The following AP5Z1 variants were observed in gnomAD, a reference collection of about 807,000 sequenced individuals.
AP5Z1 encodes the protein AP-5 complex subunit zeta-1.
In AP5Z1, 106 loss-of-function variants were observed where a neutral mutation model predicts 83.0. That is an observed-to-expected ratio of 1.28 (90% CI 1.09 to 1.50). The LOEUF (loss-of-function observed/expected upper bound fraction) is 1.50. AP5Z1 is among the 40% of genes most tolerant of loss of function. The pLI, the probability that AP5Z1 is intolerant of heterozygous loss-of-function variation, is 0.00. For missense variants in AP5Z1, 1,565 were observed against 1,094.2 expected (o/e 1.43, Z -6.07); for synonymous variants, 751 against 514.1 (o/e 1.46, Z -6.23).
chr7:4,781,581 T>A lies in AP5Z1; in HGVS notation c.193T>A (p.Cys65Ser). 1 of 1,608,048 alleles carries A rather than the reference T, an allele frequency of 6.2e-7. No individual in the cohort carries two copies. The highest frequency in any genetic ancestry group is 8.5e-7 in the Non-Finnish European group (1 of 1,176,106). The part of the protein sequence containing the change: ...TKYSRRLEKT[C>S]VDLLQATLGL... ...CTCGCCTTCCAGGCTGGAGAAGACA[T>A]GCGTAGACCTGCTGCAGGCCACCCT... The change falls in exon 3 of 17, where the codon TGC becomes AGC. Residue 65 changes from cysteine to serine, a missense_variant. Transcript: ENST00000649063.
chr7:4,779,242 AT>A lies in AP5Z1; in HGVS notation c.42-1932del, dbSNP rs529467161. On this transcript the variant is annotated intron_variant, in intron 1 of 16. Coordinates refer to ENST00000649063, the MANE Select transcript of AP5Z1 (RefSeq NM_014855.3). ...ATAACATATATTAGATATAACATAT[AT>A]AACATTAGAAATAATGTATATAACA... Among the ~76,000 whole-genome samples, 293 of 147,382 alleles carry A rather than the reference AT, an allele frequency of 2.0e-3. 1 individual carries two copies. The highest frequency in any genetic ancestry group is 6.9e-3 in the African/African-American group (280 of 40,584).
At chr7:4,787,596 C>G in intron 10 of AP5Z1, 38 bp from the exon 11 acceptor site, 1 of 1,537,206 alleles carries the variant, frequency 6.5e-7, no homozygotes. Flanking sequence ...TGCTCCACAG[C>G]TCCGAGCCGT....
At chr7:4,790,398 C>T in intron 14 of AP5Z1, 61 bp from the exon 15 acceptor site, 6 of 1,610,646 alleles carry the variant, frequency 3.7e-6, no homozygotes, top group Non-Finnish European at 5.1e-6. Context: ...GGCCCTTGGC[C>T]TGGATGGGGA....
intron 3 of AP5Z1, 129 bp downstream of exon 3, chr7:4,781,883 C>T (rs1009143920): frequency 7.9e-6 from 9 of 1,133,344 alleles, no homozygotes; most frequent in Non-Finnish European, 1.1e-5. Flanking sequence ...TGCTGAGTGC[C>T]TGGCACACTT....
chr7:4,788,035 C>A (rs999690731), intron 11 of AP5Z1, 119 bp from the exon 12 acceptor site: 3 of 1,406,518 alleles, frequency 2.1e-6, no homozygotes, highest in African/African-American at 1.4e-5. Flanking sequence ...CATGCCAAGC[C>A]CTTCCTGGCA....
At position 4,790,572 on chromosome 7, in the gene AP5Z1, C is replaced by T. The variant is rs562874262; in HGVS notation, c.1919C>T (p.Ala640Val). Residue 640 changes from alanine (A) to valine (V), a missense_variant, in exon 15 of 17, where the codon GCG becomes GTG. Transcript: ENST00000649063. ...LGSVNGLCSR[A>V]SLVTSVVWAI... ...AGCGTGAATGGTCTCTGCAGCAGGG[C>T]GAGCCTCGTCACCAGCGTGGTAAGG... The T allele has an allele frequency of 6.6e-5, 106 of 1,612,858 alleles. 2 individuals carry two copies. The Admixed American group carries it at 1.2e-3, about 19-fold the overall frequency.
intron 5 of AP5Z1, 115 bp from the exon 6 acceptor site, chr7:4,784,088 G>C: frequency 4.6e-6 from 6 of 1,310,874 alleles, no homozygotes; most frequent in Non-Finnish European, 6.2e-6. Context: ...GCGGGCCGCT[G>C]CCCGGGCTCA....
At chr7:4,785,136 G>A in intron 7 of AP5Z1, 88 bp downstream of exon 7, 2 of 1,509,666 alleles carry the variant, frequency 1.3e-6, no homozygotes, top group Non-Finnish European at 8.9e-7. Flanking sequence ...GCTTCCCTGA[G>A]CTACTGCTCC....
intron 13 of AP5Z1, 46 bp downstream of exon 13, chr7:4,788,997 TGA>T (rs1562412580): frequency 6.5e-7 from 1 of 1,540,900 alleles, no homozygotes; most frequent in Admixed American, 1.8e-5. Flanking sequence ...GCCTCACAAC[TGA>T]GGGGCAGGCC....
chr7:4,786,889 G>T (rs1221239549), intron 10 of AP5Z1, among the ~76,000 whole-genome samples: 1 of 152,126 alleles, frequency 6.6e-6, no homozygotes, highest in Non-Finnish European at 1.5e-5. Context: ...TCCTGCGTCA[G>T]CCACCTGAGT....
rs2115109104 is a variant in AP5Z1 at position 4,784,212 on chromosome 7, GT to G, written c.632del (p.Val211AlafsTer8). On this transcript the variant is annotated frameshift_variant, in exon 6 of 17. Transcript: ENST00000649063. LOFTEE classifies it high-confidence loss of function. ...STPRARQPGP[V>X]TEVDGAVATD... ...CCTGTCCTTCCCACAGCCGGGCCCC[GT>G]CACCGAGGTGGACGGGGCGGTAGCC... 7.8e-7 allele frequency: 1 copy of G among 1,284,508 alleles called. No homozygotes were observed. The highest frequency in any genetic ancestry group is 1.1e-6 in the Non-Finnish European group (1 of 951,054). The allele number at this position is 1,284,508 out of a possible 1,614,324, so 79.6% of individuals were successfully genotyped here.
At chr7:4,786,462 G>A (rs1488307796) in intron 10 of AP5Z1, 34 bp downstream of exon 10, 7 of 1,607,056 alleles carry the variant, frequency 4.4e-6, no homozygotes, top group South Asian at 3.3e-5. Flanking sequence ...CCAGGGCAGG[G>A]GCATGGTAAG....
At chr7:4,779,332 T>A (rs1026024276) in intron 1 of AP5Z1, among the ~76,000 whole-genome samples, 1 of 147,448 alleles carries the variant, frequency 6.8e-6, no homozygotes, top group African/African-American at 2.5e-5. Flanking sequence ...ACGTTATATA[T>A]GATATATAAC....
At chr7:4,778,964 C>A (rs1438982151) in intron 1 of AP5Z1, among the ~76,000 whole-genome samples, 1 of 146,410 alleles carries the variant, frequency 6.8e-6, no homozygotes, top group East Asian at 2.0e-4. Flanking sequence ...GCTAGAAGAT[C>A]AGGCTGCAGT....
chr7:4,785,152 G>C (rs1781500473), intron 7 of AP5Z1, 104 bp downstream of exon 7: 1 of 1,487,696 alleles, frequency 6.7e-7, no homozygotes. Flanking sequence ...GCTCCACAGA[G>C]GGGGTCCCTG....
At position 4,786,358 on chromosome 7, in the gene AP5Z1, GCAGGGA is replaced by G; in HGVS notation, c.1244_1249del (p.Arg415_Asp416del). 6.2e-7 allele frequency: 1 copy of G among 1,613,932 alleles called. No homozygotes were observed. The highest frequency in any genetic ancestry group is 8.5e-7 in the Non-Finnish European group (1 of 1,179,856). On this transcript the variant is annotated inframe_deletion, in exon 10 of 17. Transcript: ENST00000649063. ...CTGGCCTTTGAATTCATCCAGTTCTGCAGGGACAACCTCCACCTGTTCAGCGGGCAC... is the reference window on the plus strand; with the variant it reads ...CTGGCCTTTGAATTCATCCAGTTCTGCAACCTCCACCTGTTCAGCGGGCAC...
At chr7:4,791,062 C>T in intron 16 of AP5Z1, 53 bp from the exon 17 acceptor site, 2 of 1,511,786 alleles carry the variant, frequency 1.3e-6, no homozygotes, top group Admixed American at 2.0e-5. Flanking sequence ...CACACAGACC[C>T]CTGTCCTGGG....
chr7:4,788,076 C>T, intron 11 of AP5Z1, 78 bp from the exon 12 acceptor site: 1 of 1,446,276 alleles, frequency 6.9e-7, no homozygotes, highest in Non-Finnish European at 9.1e-7. Flanking sequence ...GGGACACCTG[C>T]CGTGTGTCTC....
At chr7:4,787,233 C>T (rs982950090) in intron 10 of AP5Z1, among the ~76,000 whole-genome samples, 2 of 152,058 alleles carry the variant, frequency 1.3e-5, no homozygotes, top group Non-Finnish European at 2.9e-5. Flanking sequence ...TGGCTCACAC[C>T]TGTAATCCCA....
Sources: allele counts gnomAD v4.1 joint callset (sites outside exome capture counted in the v4.1 genomes callset), GRCh38; gene constraint gnomAD v4.1.1; transcripts MANE v1.5; gene names NCBI Gene and HGNC (gene_info 2026-07-23, HGNC 2026-07-21).